ARK2N: variants seen among roughly 807,000 people sequenced by gnomAD.
ARK2N encodes protein ARK2N.
the ARK2N span, among the ~76,000 whole-genome samples, chr18:46,194,696 G>A: frequency 6.7e-6 from 1 of 149,818 alleles, no homozygotes; most frequent in Non-Finnish European, 1.5e-5. Context: ...GGCTGGTCTT[G>A]TACTCCTGAC....
the ARK2N span, among the ~76,000 whole-genome samples, chr18:46,193,400 C>T: frequency 6.6e-6 from 1 of 151,478 alleles, no homozygotes; most frequent in Non-Finnish European, 1.5e-5. Flanking sequence ...AGTGATTCAC[C>T]TGCCTCAGCC....
the ARK2N span, among the ~76,000 whole-genome samples, chr18:46,244,134 G>C: frequency 6.6e-6 from 1 of 152,094 alleles, no homozygotes; most frequent in Non-Finnish European, 1.5e-5. Context: ...TTTAATAATA[G>C]CCTCAGGTAA....
At chr18:46,203,787 A>C in the ARK2N span, among the ~76,000 whole-genome samples, 1 of 152,026 alleles carries the variant, frequency 6.6e-6, no homozygotes, top group African/African-American at 2.4e-5. Context: ...GGGTTTTGCC[A>C]TGTTGCCCAG....
At chr18:46,189,911 A>G in the ARK2N span, among the ~76,000 whole-genome samples, 1 of 152,164 alleles carries the variant, frequency 6.6e-6, no homozygotes, top group African/African-American at 2.4e-5. Context: ...GTATAACCTA[A>G]TTTATCTTTT....
At chr18:46,217,080 T>C in the ARK2N span, 1 of 153,760 alleles carries the variant, frequency 6.5e-6, no homozygotes, top group Non-Finnish European at 1.4e-5. Context: ...ACAGTAGTTT[T>C]ATGTGTTTCC....
At chr18:46,262,268 C>T in the ARK2N span, among the ~76,000 whole-genome samples, 2 of 152,142 alleles carry the variant, frequency 1.3e-5, no homozygotes, top group Non-Finnish European at 2.9e-5. Flanking sequence ...CAAGGCAGTT[C>T]TCTCCCTCCG....
the ARK2N span, among the ~76,000 whole-genome samples, chr18:46,200,066 T>G: frequency 9.3e-5 from 14 of 150,086 alleles, no homozygotes; most frequent in Non-Finnish European, 1.8e-4. Context: ...AAATTCTTTA[T>G]TGTGTGTGTG....
At chr18:46,224,008 G>A in the ARK2N span, among the ~76,000 whole-genome samples, 2 of 152,084 alleles carry the variant, frequency 1.3e-5, no homozygotes, top group Admixed American at 1.3e-4. Flanking sequence ...CAAACTATAG[G>A]TGACCCAAAC....
chr18:46,262,802 G>T, the ARK2N span: 2 of 917,338 alleles, frequency 2.2e-6, no homozygotes, highest in Non-Finnish European at 1.7e-6. Flanking sequence ...ATTGATTGTG[G>T]GTTTTATGAA....
the ARK2N span, among the ~76,000 whole-genome samples, chr18:46,182,105 A>G: frequency 6.6e-6 from 1 of 152,206 alleles, no homozygotes; most frequent in Non-Finnish European, 1.5e-5. Flanking sequence ...GGTGTGGACT[A>G]AAATTTAAGG....
the ARK2N span, among the ~76,000 whole-genome samples, chr18:46,179,880 C>T: frequency 1.3e-5 from 2 of 152,192 alleles, no homozygotes; most frequent in African/African-American, 4.8e-5. Context: ...CCGCCTTGGC[C>T]TCCCAAAGTG....
At chr18:46,255,651 A>G in the ARK2N span, among the ~76,000 whole-genome samples, 2 of 150,156 alleles carry the variant, frequency 1.3e-5, no homozygotes, top group African/African-American at 2.4e-5. Context: ...GTGTTTCTCC[A>G]TGTTGGTCAG....
chr18:46,228,490 T>C, the ARK2N span, among the ~76,000 whole-genome samples: 1,508 of 152,304 alleles, frequency 9.9e-3, 29 homozygotes, highest in African/African-American at 0.034. Context: ...CCATTCTGAT[T>C]TTTATTGTTA....
the ARK2N span, among the ~76,000 whole-genome samples, chr18:46,184,683 C>G: frequency 1.3e-5 from 2 of 152,178 alleles, no homozygotes; most frequent in Admixed American, 1.3e-4. Flanking sequence ...GATTGTGCCA[C>G]TACACTCCAG....
At chr18:46,217,403 T>G in the ARK2N span, 1 of 152,220 alleles carries the variant, frequency 6.6e-6, no homozygotes, top group African/African-American at 2.4e-5. Flanking sequence ...ATCCAAGAGA[T>G]CCTTACAATA....
At chr18:46,183,350 A>T in the ARK2N span, among the ~76,000 whole-genome samples, 2 of 152,130 alleles carry the variant, frequency 1.3e-5, no homozygotes, top group Admixed American at 6.6e-5. Flanking sequence ...GTTAATTGGT[A>T]TTAGATTTAG....
chr18:46,198,130 T>C, the ARK2N span, among the ~76,000 whole-genome samples: 2 of 152,012 alleles, frequency 1.3e-5, no homozygotes, highest in Admixed American at 1.3e-4. Flanking sequence ...GGTGAAACAC[T>C]GTCTCTACTA....
chr18:46,250,567 CAGGA>C, the ARK2N span, among the ~76,000 whole-genome samples: 1 of 149,160 alleles, frequency 6.7e-6, no homozygotes, highest in Non-Finnish European at 1.5e-5. Flanking sequence ...ATTTCTCACC[CAGGA>C]AGCTGCAGCA....
chr18:46,215,561 TCATTA>T, the ARK2N span, among the ~76,000 whole-genome samples: 2 of 152,346 alleles, frequency 1.3e-5, no homozygotes, highest in African/African-American at 4.8e-5. Flanking sequence ...TTGAAAATGT[TCATTA>T]CATGTTGGCC....
Sources: gnomAD v4.1 joint callset for allele counts (sites outside exome capture counted in the v4.1 genomes callset) on GRCh38, gnomAD v4.1.1 for gene constraint, MANE v1.5 for transcripts, NCBI Gene and HGNC (gene_info 2026-07-23, HGNC 2026-07-21) for gene names.